Variants in GLRB observed in about 807,000 individuals in gnomAD.
GLRB encodes the protein glycine receptor subunit beta.
In GLRB, 33 loss-of-function variants were observed where a neutral mutation model predicts 54.2. The observed-to-expected ratio is 0.61, with a 90% CI of 0.46 to 0.81. GLRB has a LOEUF of 0.81. Ranked by LOEUF, GLRB falls within the 40% of genes least tolerant of loss-of-function variation. The probability of loss-of-function intolerance (pLI) is 0.00; values close to 1 mark genes in which losing one functional copy is unlikely to be tolerated. For missense variants in GLRB, 572 were observed against 584.6 expected, an observed-to-expected ratio of 0.98 and a Z score of 0.22; for synonymous variants, 209 against 208.2, an observed-to-expected ratio of 1.00 and a Z score of -0.03.
At chr4:157,115,216 C>G (rs1224459609) in intron 2 of GLRB, among the ~76,000 whole-genome samples, 1 of 147,408 alleles carries the variant, frequency 6.8e-6, no homozygotes, top group Non-Finnish European at 1.5e-5. Flanking sequence ...TCAGTTTGTT[C>G]CGGTGTCCTT....
chr4:157,089,075 T>G (rs1734513949), intron 2 of GLRB, among the ~76,000 whole-genome samples: 1 of 152,186 alleles, frequency 6.6e-6, no homozygotes, highest in African/African-American at 2.4e-5. Context: ...TAAGACTGAC[T>G]CCTGACACAA....
chr4:157,112,138 T>C (rs949265790), intron 2 of GLRB, among the ~76,000 whole-genome samples: 1 of 151,866 alleles, frequency 6.6e-6, no homozygotes, highest in Non-Finnish European at 1.5e-5. Flanking sequence ...ATTAAAATCA[T>C]CTGAAGAGCT....
At chr4:157,148,485 CT>C (rs1437488136) in intron 8 of GLRB, among the ~76,000 whole-genome samples, 1 of 152,104 alleles carries the variant, frequency 6.6e-6, no homozygotes, top group Admixed American at 6.5e-5. Flanking sequence ...TTCTCCTTTT[CT>C]AACATGAACA....
At chr4:157,113,790 C>CACACACAT (rs1394127012) in intron 2 of GLRB, among the ~76,000 whole-genome samples, 1 of 151,838 alleles carries the variant, frequency 6.6e-6, no homozygotes, top group Admixed American at 6.6e-5. Context: ...CAGACTTTGC[C>CACACACAT]ACACACATAC....
chr4:157,085,040 T>G (rs1734358229), intron 2 of GLRB, among the ~76,000 whole-genome samples: 1 of 152,208 alleles, frequency 6.6e-6, no homozygotes, highest in Admixed American at 6.5e-5. Context: ...ATGTATTTTC[T>G]TATTACTTAT....
At chr4:157,100,557 TC>T (rs1248438067) in intron 2 of GLRB, among the ~76,000 whole-genome samples, 2 of 152,320 alleles carry the variant, frequency 1.3e-5, no homozygotes, top group Admixed American at 6.5e-5. Flanking sequence ...CTATTTTAAG[TC>T]CTTTGCATTT....
intron 2 of GLRB, among the ~76,000 whole-genome samples, chr4:157,106,001 T>G (rs2126494181): frequency 6.6e-6 from 1 of 152,258 alleles, no homozygotes; most frequent in African/African-American, 2.4e-5. Context: ...TATATATAAC[T>G]TTACCAAGTT....
chr4:157,147,436 C>T (rs985132436), intron 8 of GLRB, among the ~76,000 whole-genome samples: 19 of 151,450 alleles, frequency 1.3e-4, no homozygotes, highest in African/African-American at 4.4e-4. Context: ...AGAAGAAAGC[C>T]TGATTGGACT....
chr4:157,170,983 T>C lies in GLRB; in HGVS notation c.*255T>C, dbSNP rs1737903058. The C allele has an allele frequency of 3.3e-6, 1 of 306,432 alleles. No individual in the cohort carries two copies. The highest frequency in any genetic ancestry group is 6.0e-6 in the Non-Finnish European group (1 of 165,924). The allele number at this position is 306,432 out of a possible 1,614,324, so 19.0% of individuals were successfully genotyped here. A position where few individuals can be genotyped will look rare whatever the true frequency, so the allele number is the denominator to read the frequency against. ...AATGAAGGACAAGCATACTACATAA[T>C]ATAATCCATACAATTCTCTTCAGTT... On this transcript the variant is annotated 3_prime_UTR_variant, in exon 10 of 10. Coordinates refer to ENST00000264428, the MANE Select transcript of GLRB (RefSeq NM_000824.5).
At chr4:157,157,105 C>T (rs976942477) in intron 9 of GLRB, among the ~76,000 whole-genome samples, 1 of 152,146 alleles carries the variant, frequency 6.6e-6, no homozygotes, top group Admixed American at 6.6e-5. Context: ...GGTTGCCTTC[C>T]TGACCAATTG....
intron 2 of GLRB, 92 bp downstream of exon 2, chr4:157,078,238 A>C: frequency 1.3e-6 from 2 of 1,579,334 alleles, no homozygotes; most frequent in South Asian, 2.3e-5. Flanking sequence ...ACATCAACAA[A>C]ACTTTTCATA....
At chr4:157,114,940 C>G (rs2126516033) in intron 2 of GLRB, among the ~76,000 whole-genome samples, 2 of 151,762 alleles carry the variant, frequency 1.3e-5, no homozygotes, top group South Asian at 4.2e-4. Context: ...TCTTTCCGCA[C>G]CCCCCTTTGC....
chr4:157,090,012 T>C (rs1256266428), intron 2 of GLRB, among the ~76,000 whole-genome samples: 1 of 152,184 alleles, frequency 6.6e-6, no homozygotes, highest in Non-Finnish European at 1.5e-5. Flanking sequence ...ATCTCTGCTT[T>C]TATGGTCTCT....
At chr4:157,088,204 C>G (rs1297339514) in intron 2 of GLRB, among the ~76,000 whole-genome samples, 1 of 152,092 alleles carries the variant, frequency 6.6e-6, no homozygotes, top group Non-Finnish European at 1.5e-5. Flanking sequence ...CTGAGAATAA[C>G]CTAATACAAA....
intron 2 of GLRB, among the ~76,000 whole-genome samples, chr4:157,082,746 C>A (rs967355488): frequency 2.0e-5 from 3 of 152,086 alleles, no homozygotes; most frequent in African/African-American, 7.2e-5. Flanking sequence ...CACACTGAGG[C>A]TCTGTGATAT....
intron 4 of GLRB, among the ~76,000 whole-genome samples, chr4:157,128,600 T>C (rs999110267): frequency 2.6e-5 from 4 of 151,846 alleles, no homozygotes; most frequent in African/African-American, 9.7e-5. Context: ...TTATGGGGTT[T>C]CCAGCCTAGT....
In GLRB at chr4:157,168,563, T is replaced by A. The variant is rs555417569; in HGVS notation, c.1198-1869T>A. Among the ~76,000 whole-genome samples the A allele has an allele frequency of 9.1e-4, 138 of 152,292 alleles. 3 individuals carry two copies. The South Asian group carries it at 0.017, about 19-fold the overall frequency. The stretch of plus-strand genomic sequence containing the variant: ...AACAAGGATGGGACTATGTTTCCAT[T>A]TGGGCTATTTTATAATGAACAATTG... On this transcript the variant is annotated intron_variant, in intron 9 of 9. Transcript: ENST00000264428.
At position 157,136,450 on chromosome 4, in the gene GLRB, G is replaced by T. The variant is rs371067472; in HGVS notation, c.298-19G>T. The T allele has an allele frequency of 9.3e-5, 121 of 1,302,734 alleles. No homozygotes were observed. In the African/African-American group the frequency reaches 1.5e-3, roughly 16 times the overall value. 80.7% of individuals were successfully genotyped at this position (1,302,734 alleles called of 1,614,324 possible). On this transcript the variant is annotated intron_variant, in intron 4 of 9. Coordinates refer to ENST00000264428, the MANE Select transcript of GLRB (RefSeq NM_000824.5). ...TAGCAATAAACATACACATGTGCAC[G>T]CATGTACTTTTTCTTCAGGACTATA... is the stretch of plus-strand genomic sequence containing the variant.
intron 2 of GLRB, among the ~76,000 whole-genome samples, chr4:157,111,722 A>G (rs1735425634): frequency 6.6e-6 from 1 of 151,736 alleles, no homozygotes; most frequent in African/African-American, 2.4e-5. Context: ...TGCTGACATC[A>G]CTCTTAGGGA....
Sources: gnomAD v4.1 joint callset for allele counts (sites outside exome capture counted in the v4.1 genomes callset) on GRCh38, gnomAD v4.1.1 for gene constraint, MANE v1.5 for transcripts, NCBI Gene and HGNC (gene_info 2026-07-23, HGNC 2026-07-21) for gene names.